The following MYCBPAP variants were observed in gnomAD, a reference collection of about 807,000 sequenced individuals.
The protein encoded by MYCBPAP is MYCBP-associated protein.
MYCBPAP carries 60 observed loss-of-function variants against 106.1 expected under a neutral mutation model. The ratio of observed to expected loss-of-function variants is 0.57; its 90% CI spans 0.46 to 0.70. The LOEUF (loss-of-function observed/expected upper bound fraction) is 0.70, where lower values mean the gene tolerates loss of function less well. Ranked by LOEUF, MYCBPAP falls within the 30% of genes least tolerant of loss-of-function variation. The probability of loss-of-function intolerance (pLI) is 0.00; values close to 1 mark genes in which losing one functional copy is unlikely to be tolerated. For missense variants in MYCBPAP, 1,064 were observed against 1,169.3 expected (o/e 0.91, Z 1.31); for synonymous variants, 407 against 440.6 (o/e 0.92, Z 0.95).
chr17:50,509,536 CTGTGTGTGTGTG>C lies in MYCBPAP; in HGVS notation c.76+814_76+825del, dbSNP rs71353648. On this transcript the variant is annotated intron_variant, in intron 1 of 18. Coordinates refer to ENST00000323776, the MANE Select transcript of MYCBPAP (RefSeq NM_032133.6). ...AAATTTAATTTTTAGCTTTTTTTTT[CTGTGTGTGTGTG>C]TGTGTGTGTGTGTGTGTGTGTGTGT... 1.6e-3 allele frequency: 236 copies of C among 151,110 alleles called. 1 individual carries two copies. The highest frequency in any genetic ancestry group is 3.7e-3 in the Admixed American group (54 of 14,660). The allele number at this position is 151,110 out of a possible 1,614,324, so 9.4% of individuals were successfully genotyped here. A position where few individuals can be genotyped will look rare whatever the true frequency, so the allele number is the denominator to read the frequency against.
chr17:50,530,643 A>G (rs1194440101), intron 18 of MYCBPAP, among the ~76,000 whole-genome samples: 2 of 151,466 alleles, frequency 1.3e-5, no homozygotes, highest in African/African-American at 4.9e-5. Context: ...AGAAAAAAAA[A>G]AGAATCAACT....
At chr17:50,510,103 G>A (rs1222523337) in intron 1 of MYCBPAP, 1 of 152,202 alleles carries the variant, frequency 6.6e-6, no homozygotes, top group African/African-American at 2.4e-5. Context: ...GCCTGGATGT[G>A]CTCTTGCAGG....
rs1555621272 is a variant in MYCBPAP, at chr17:50,524,711, C to CGTGTGTGTGTGTGTGTGT, written c.1636-156_1636-139dup. Among the ~76,000 whole-genome samples the CGTGTGTGTGTGTGTGTGT allele has an allele frequency of 2.6e-4, 36 of 138,846 alleles. 1 individual carries two copies. The highest frequency in any genetic ancestry group is 2.4e-4 in the South Asian group (1 of 4,246). The allele number at this position is 138,846 out of a possible 152,430, so 91.1% of individuals were successfully genotyped here. On this transcript the variant is annotated intron_variant, in intron 12 of 18. Coordinates refer to ENST00000323776, the MANE Select transcript of MYCBPAP (RefSeq NM_032133.6). ...AGAGGTTTTCAGGTCTTAGAACAGG[C>CGTGTGTGTGTGTGTGTGT]GTGTGTGTGTGTGTGTGTGTGTGTG...
At chr17:50,516,540 AG>A in intron 1 of MYCBPAP, 29 bp from the exon 2 acceptor site, 1 of 1,609,718 alleles carries the variant, frequency 6.2e-7, no homozygotes, top group Non-Finnish European at 8.5e-7. Flanking sequence ...GAGCTCTTTA[AG>A]GACTTAATAA....
At chr17:50,508,209 G>A (rs1474690831), upstream of MYCBPAP, 3 of 269,760 alleles carry the variant, frequency 1.1e-5, no homozygotes, top group Non-Finnish European at 2.1e-5. Context: ...CTTAGTCGAG[G>A]AAGGCGGGAA....
chr17:50,512,311 C>T (rs996987921), intron 1 of MYCBPAP, among the ~76,000 whole-genome samples: 2 of 152,196 alleles, frequency 1.3e-5, no homozygotes, highest in African/African-American at 4.8e-5. Context: ...GCCTCGGCCT[C>T]CCAAAGTGCT....
At chr17:50,527,255 CT>C in intron 14 of MYCBPAP, 31 bp from the exon 15 acceptor site, 1 of 1,612,986 alleles carries the variant, frequency 6.2e-7, no homozygotes, top group Non-Finnish European at 8.5e-7. Flanking sequence ...CCTTGGTGTC[CT>C]GGTGCAGAAT....
intron 2 of MYCBPAP, among the ~76,000 whole-genome samples, chr17:50,516,975 G>A (rs558735203): frequency 6.5e-4 from 99 of 152,268 alleles, no homozygotes; most frequent in Non-Finnish European, 9.9e-4. Context: ...TTCACAGACC[G>A]GAGGATGAGT....
chr17:50,529,050 G>A lies in MYCBPAP; in HGVS notation c.2586G>A (p.Lys862=), dbSNP rs2034552044. The A allele has an allele frequency of 3.7e-6, 6 of 1,614,132 alleles. No individual in the cohort carries two copies. The highest frequency in any genetic ancestry group is 4.2e-6 in the Non-Finnish European group (5 of 1,180,024). ...DRPNSKKHKA[K]DDKKVIKSAS... ...CCAACAGCAAGAAGCACAAGGCAAA[G>A]GATGACAAGAAAGTCATAAAATCTG... The change falls in exon 18 of 19, where the codon AAG becomes AAA. Residue 862 remains lysine (K), a synonymous_variant. Coordinates refer to ENST00000323776, the MANE Select transcript of MYCBPAP (RefSeq NM_032133.6).
chr17:50,519,411 C>T (rs2034175480), intron 6 of MYCBPAP: 3 of 598,458 alleles, frequency 5.0e-6, no homozygotes, highest in East Asian at 2.8e-5. Context: ...TCTGGTAGAC[C>T]AGTGCAGTAC....
chr17:50,517,773 C>A, intron 4 of MYCBPAP, 75 bp downstream of exon 4: 2 of 1,250,854 alleles, frequency 1.6e-6, no homozygotes, highest in Non-Finnish European at 2.3e-6. Flanking sequence ...CACAGTCAAG[C>A]AGGGCTGGGG....
At chr17:50,522,860 G>C in intron 10 of MYCBPAP, 79 bp from the exon 11 acceptor site, 3 of 1,458,896 alleles carry the variant, frequency 2.1e-6, no homozygotes, top group East Asian at 4.6e-5. Flanking sequence ...AGCCAGAAAA[G>C]TCCTGGGCAG....
At position 50,526,204 on chromosome 17, in the gene MYCBPAP, C is replaced by T. The variant is rs948196380; in HGVS notation, c.2106C>T (p.Ser702=). The change falls in exon 14 of 19, where the codon AGC becomes AGT. Residue 702 remains serine, a synonymous_variant. Transcript: ENST00000323776. ...GCCCAGATGTGGACAGCACCAAGAG[C>T]CCCTGGGAGCCGGATGGCCTTCCCC... ...EESPDVDSTK[S]PWEPDGLPLL... The T allele has an allele frequency of 6.2e-6, 10 of 1,613,122 alleles. No individual in the cohort carries two copies. The highest frequency in any genetic ancestry group is 8.5e-6 in the Non-Finnish European group (10 of 1,179,958).
At position 50,524,989 on chromosome 17, in the gene MYCBPAP, C is replaced by A. The variant is rs1202978903; in HGVS notation, c.1748C>A (p.Thr583Asn). 20 of 1,613,776 alleles carry A rather than the reference C, an allele frequency of 1.2e-5. No individual in the cohort carries two copies. The highest frequency in any genetic ancestry group is 1.7e-5 in the Non-Finnish European group (20 of 1,179,918). Residue 583 changes from threonine (T) to asparagine (N), a missense_variant, in exon 13 of 19, where the codon ACC (threonine) becomes AAC (asparagine). By Grantham distance (65) the Thr-to-Asn change is moderately conservative. Coordinates refer to ENST00000323776, the MANE Select transcript of MYCBPAP (RefSeq NM_032133.6). Reference protein sequence around the residue: ...RTPSPVDAYLTEEDLFRHRNP... With the variant: ...RTPSPVDAYLNEEDLFRHRNP... Reference sequence around the variant, plus strand: ...CCATCACCTGTGGATGCCTATCTCACCGAGGAAGACTTGTTCCGGCACAGA... The same window carrying A: ...CCATCACCTGTGGATGCCTATCTCAACGAGGAAGACTTGTTCCGGCACAGA...
At chr17:50,519,128 T>TGG in intron 6 of MYCBPAP, 39 bp downstream of exon 6, 1 of 951,264 alleles carries the variant, frequency 1.1e-6, no homozygotes, top group East Asian at 4.5e-5. Flanking sequence ...GGCAGGGGGG[T>TGG]CCATGGAGGA....
upstream of MYCBPAP, chr17:50,508,327 C>T (rs371877605): frequency 6.4e-6 from 3 of 470,768 alleles, no homozygotes; most frequent in Admixed American, 4.5e-5. Context: ...ACCCAGCCCT[C>T]GGCTCCCGCA....
chr17:50,517,442 G>A lies in MYCBPAP; in HGVS notation c.354G>A (p.Leu118=). 1 of 1,614,158 alleles carries A rather than the reference G, an allele frequency of 6.2e-7. No individual in the cohort carries two copies. Among genetic ancestry groups the A allele is most frequent in the Non-Finnish European group, 8.5e-7 (1 of 1,180,026 alleles). Residue 118 remains leucine (L), a synonymous_variant, in exon 3 of 19, where the codon CTG becomes CTA. Transcript: ENST00000323776. ...PANPDEATKP[L]DYSGPGDSFD... ...ATCCTGATGAAGCCACAAAGCCTCT[G>A]GACTACTCCGGTACACCCAGTCTCA...
chr17:50,530,396 G>A (rs1567899239), intron 18 of MYCBPAP: 1 of 199,846 alleles, frequency 5.0e-6, no homozygotes, highest in Non-Finnish European at 1.1e-5. Flanking sequence ...TTGGGTGGCT[G>A]AGGCACAATA....
chr17:50,525,898 A>G lies in MYCBPAP; in HGVS notation c.1800A>G (p.Gln600=). The G allele has an allele frequency of 1.9e-6, 3 of 1,608,290 alleles. No individual in the cohort carries two copies. The highest frequency in any genetic ancestry group is 2.5e-6 in the Non-Finnish European group (3 of 1,178,132). ...TGCTGCAGCTGCATTATGAGCACCA[A>G]GTGGTGCAAAGCCTGCACCAACTGT... The part of the protein sequence containing the change: ...HRNPPLHYEH[Q]VVQSLHQLWR... Residue 600 remains glutamine (Q), a synonymous_variant, in exon 14 of 19, where the codon CAA becomes CAG. Coordinates refer to ENST00000323776, the MANE Select transcript of MYCBPAP (RefSeq NM_032133.6).
Sources: allele counts gnomAD v4.1 joint callset (sites outside exome capture counted in the v4.1 genomes callset), GRCh38; gene constraint gnomAD v4.1.1; transcripts MANE v1.5; gene names NCBI Gene and HGNC (gene_info 2026-07-23, HGNC 2026-07-21).